The following LRRC4C variants were observed in gnomAD, a reference collection of about 807,000 sequenced individuals.
LRRC4C encodes the protein leucine rich repeat containing 4C.
A neutral mutation model predicts 33.6 loss-of-function variants in LRRC4C; 5 were observed. The ratio of observed to expected loss-of-function variants is 0.15; its 90% CI spans 0.08 to 0.31. The LOEUF is 0.31. Among genes scored for constraint, LRRC4C ranks in the 10% least tolerant of loss-of-function variants. The pLI is 1.00. For missense variants in LRRC4C, 560 were observed against 796.7 expected (o/e 0.70, Z 3.58); for synonymous variants, 329 against 302.0 (o/e 1.09, Z -0.93).
At chr11:41,008,468 A>G (rs2137489509) in intron 1 of LRRC4C, among the ~76,000 whole-genome samples, 1 of 152,168 alleles carries the variant, frequency 6.6e-6, no homozygotes, top group African/African-American at 2.4e-5. Flanking sequence ...GATTTGTTGA[A>G]TTTTCAGAAT....
Position 40,786,820 on chromosome 11 carries a change from C to T in LRRC4C, c.-406-138542G>A, listed in dbSNP as rs900486418. Among the ~76,000 whole-genome samples the T allele has an allele frequency of 1.3e-5, 2 of 152,236 alleles. 1 individual carries two copies. The highest frequency in any genetic ancestry group is 3.9e-4 in the East Asian group (2 of 5,166). On this transcript the variant is annotated intron_variant, in intron 2 of 6. Transcript: ENST00000528697. ...CATGCTTGCTTTGAGGATGTAACTA[C>T]AGTACAAGTTCCAAATCTTCATTAA...
intron 3 of LRRC4C, among the ~76,000 whole-genome samples, chr11:40,633,127 C>T (rs536516546): frequency 2.0e-5 from 3 of 152,106 alleles, no homozygotes; most frequent in Admixed American, 1.3e-4. Flanking sequence ...TGTGGATAGA[C>T]AAATGAATAC....
intron 2 of LRRC4C, among the ~76,000 whole-genome samples, chr11:40,873,973 A>G (rs1954767148): frequency 6.6e-6 from 1 of 152,218 alleles, no homozygotes. Flanking sequence ...TACAGAGTAG[A>G]TATAATGTAT....
intron 1 of LRRC4C, among the ~76,000 whole-genome samples, chr11:41,044,203 T>C (rs1857621531): frequency 6.6e-6 from 1 of 152,118 alleles, no homozygotes. Flanking sequence ...ATAGGGACTA[T>C]GCAGATTCTA....
intron 3 of LRRC4C, among the ~76,000 whole-genome samples, chr11:40,423,077 A>C (rs1015727381): frequency 2.0e-5 from 3 of 152,184 alleles, no homozygotes; most frequent in Non-Finnish European, 4.4e-5. Context: ...ATGAGAGTTC[A>C]CATCTCTTCC....
intron 3 of LRRC4C, among the ~76,000 whole-genome samples, chr11:40,522,647 A>G (rs1955868982): frequency 6.6e-6 from 1 of 152,180 alleles, no homozygotes; most frequent in South Asian, 2.1e-4. Context: ...ACTGAATTAC[A>G]TTTGAACTTT....
chr11:41,321,243 C>T (rs1950950835), intron 1 of LRRC4C, among the ~76,000 whole-genome samples: 1 of 152,072 alleles, frequency 6.6e-6, no homozygotes, highest in African/African-American at 2.4e-5. Context: ...AGATCATATT[C>T]ATAGTGTAGG....
intron 3 of LRRC4C, among the ~76,000 whole-genome samples, chr11:40,387,162 C>A (rs779161162): frequency 6.6e-6 from 1 of 152,084 alleles, no homozygotes; most frequent in African/African-American, 2.4e-5. Context: ...TCTCTTCTAA[C>A]TTTCCTCATA....
chr11:41,443,781 ATTTTTTTTT>A (rs11419487), intron 1 of LRRC4C, among the ~76,000 whole-genome samples: 2 of 115,142 alleles, frequency 1.7e-5, no homozygotes, highest in African/African-American at 6.7e-5. Flanking sequence ...ACACCTAGCT[ATTTTTTTTT>A]TTTTTTTTTT....
chr11:40,355,037 G>A (rs539254894), intron 3 of LRRC4C, among the ~76,000 whole-genome samples: 6 of 152,248 alleles, frequency 3.9e-5, no homozygotes, highest in Admixed American at 3.3e-4. Context: ...AGTCCCAAAG[G>A]CTGCTTAATC....
At chr11:41,181,531 T>C (rs1945450475) in intron 1 of LRRC4C, among the ~76,000 whole-genome samples, 1 of 152,186 alleles carries the variant, frequency 6.6e-6, no homozygotes, top group South Asian at 2.1e-4. Context: ...TAGAAAAGTA[T>C]TGTTGTTATT....
intron 3 of LRRC4C, among the ~76,000 whole-genome samples, chr11:40,582,321 A>G (rs963894018): frequency 1.3e-5 from 2 of 152,186 alleles, no homozygotes; most frequent in African/African-American, 4.8e-5. Context: ...ATGAGTTTCA[A>G]GGAACAGATA....
intron 1 of LRRC4C, among the ~76,000 whole-genome samples, chr11:41,268,161 G>A (rs900146908): frequency 6.6e-6 from 1 of 152,122 alleles, no homozygotes; most frequent in African/African-American, 2.4e-5. Flanking sequence ...TGCACACAAA[G>A]CAAGGTTGAG....
chr11:40,272,910 C>A (rs1942814133), intron 4 of LRRC4C, among the ~76,000 whole-genome samples: 1 of 151,788 alleles, frequency 6.6e-6, no homozygotes, highest in Non-Finnish European at 1.5e-5. Context: ...AATTCAACCA[C>A]ATTTTAAAGC....
At chr11:40,770,263 T>C (rs571104623) in intron 2 of LRRC4C, among the ~76,000 whole-genome samples, 4 of 152,264 alleles carry the variant, frequency 2.6e-5, no homozygotes, top group Non-Finnish European at 4.4e-5. Context: ...CTTTTTCATA[T>C]GGTGGCAGGA....
At chr11:40,641,350 T>C (rs1809646090) in intron 3 of LRRC4C, among the ~76,000 whole-genome samples, 1 of 152,154 alleles carries the variant, frequency 6.6e-6, no homozygotes, top group South Asian at 2.1e-4. Flanking sequence ...CCACTGAAAA[T>C]TGCTTGTAAA....
chr11:40,438,303 T>C (rs1188747209), intron 3 of LRRC4C, among the ~76,000 whole-genome samples: 1 of 152,236 alleles, frequency 6.6e-6, no homozygotes, highest in Non-Finnish European at 1.5e-5. Context: ...CTTCCTTGAC[T>C]GTCCTTAAAA....
At chr11:40,521,528 A>G (rs2135230830) in intron 3 of LRRC4C, among the ~76,000 whole-genome samples, 1 of 152,324 alleles carries the variant, frequency 6.6e-6, no homozygotes. Flanking sequence ...ACAATGAGAA[A>G]TGCACAGAGA....
At chr11:41,179,199 T>G (rs1298403635) in intron 1 of LRRC4C, among the ~76,000 whole-genome samples, 1 of 152,006 alleles carries the variant, frequency 6.6e-6, no homozygotes, top group African/African-American at 2.4e-5. Context: ...TTTTTTTTTT[T>G]TTAAGATATC....
Sources: allele counts gnomAD v4.1 joint callset (sites outside exome capture counted in the v4.1 genomes callset), GRCh38; gene constraint gnomAD v4.1.1; transcripts MANE v1.5; gene names NCBI Gene and HGNC (gene_info 2026-07-23, HGNC 2026-07-21).